The following MAPKAP1 variants were observed in gnomAD, a reference collection of about 807,000 sequenced individuals.
MAPKAP1 encodes the protein MAPK associated protein 1, also known as target of rapamycin complex 2 subunit MAPKAP1.
Under a neutral mutation model 65.7 loss-of-function variants are expected in MAPKAP1, and 20 were observed. The ratio of observed to expected loss-of-function variants is 0.30; its 90% CI spans 0.21 to 0.44. The LOEUF (loss-of-function observed/expected upper bound fraction) is 0.44. MAPKAP1 is among the 20% of genes least tolerant of loss of function. MAPKAP1 has a pLI of 1.00. For synonymous variants in MAPKAP1, 222 were observed against 244.3 expected (o/e 0.91, Z 0.85); for missense variants, 423 against 648.0 (o/e 0.65, Z 3.77).
At chr9:125,586,191 C>CT (rs1831778816) in intron 4 of MAPKAP1, among the ~76,000 whole-genome samples, 1 of 152,164 alleles carries the variant, frequency 6.6e-6, no homozygotes, top group African/African-American at 2.4e-5. Flanking sequence ...TTCTCAGAGA[C>CT]TGGGGGCTAG....
At chr9:125,649,358 A>T (rs1199832121) in intron 4 of MAPKAP1, among the ~76,000 whole-genome samples, 2 of 152,210 alleles carry the variant, frequency 1.3e-5, no homozygotes, top group Non-Finnish European at 2.9e-5. Context: ...AACCTCCAAC[A>T]ATTACAATCA....
At position 125,574,530 on chromosome 9, in the gene MAPKAP1, C is replaced by T. The variant is rs149371234; in HGVS notation, c.671+11025G>A. On this transcript the variant is annotated intron_variant, in intron 5 of 11. Coordinates refer to ENST00000265960, the MANE Select transcript of MAPKAP1 (RefSeq NM_001006617.3). ...ATGGGAGAAGACACAGGTGGGCATG[C>T]AGATGGTAAAAAAGGGGACTATCAA... Among the ~76,000 whole-genome samples the T allele has an allele frequency of 1.2e-4, 18 of 152,224 alleles. No individual in the cohort carries two copies. The East Asian group carries it at 3.5e-3, about 29-fold the overall frequency.
chr9:125,564,950 G>T (rs992658904), intron 5 of MAPKAP1, among the ~76,000 whole-genome samples: 6 of 152,138 alleles, frequency 3.9e-5, no homozygotes, highest in African/African-American at 1.4e-4. Context: ...TAATTTTAGA[G>T]TTGGTTTGGC....
At chr9:125,484,340 T>G in intron 9 of MAPKAP1, 103 bp downstream of exon 9, 1 of 1,198,652 alleles carries the variant, frequency 8.3e-7, no homozygotes, top group Non-Finnish European at 1.1e-6. Flanking sequence ...ACAAATTACT[T>G]TTAGTCATTC....
rs576324241 is a variant in MAPKAP1 at position 125,447,494 on chromosome 9, G to A, written c.1346-2896C>T. 4.4e-6 allele frequency: 2 copies of A among 456,422 alleles called. No individual in the cohort carries two copies. The highest frequency in any genetic ancestry group is 4.0e-5 in the African/African-American group (2 of 50,050). 28.3% of individuals were successfully genotyped at this position (456,422 alleles called of 1,614,324 possible). The stretch of plus-strand genomic sequence containing the variant: ...AGGAGTGATGAGCGGAACCCTGGGG[G>A]GCAAGGGCAGGTTAAGATCAGCAGC... On this transcript the variant is annotated intron_variant, in intron 10 of 11. Coordinates refer to ENST00000265960, the MANE Select transcript of MAPKAP1 (RefSeq NM_001006617.3). This position sits in a 1 kb window ranked among gnomAD's most constrained non-coding sequence, Gnocchi z 4.5.
chr9:125,654,341 G>A lies in MAPKAP1; in HGVS notation c.498+3310C>T, dbSNP rs183235634. 7.9e-5 allele frequency among the ~76,000 whole-genome samples: 12 copies of A among 152,224 alleles called. No individual in the cohort carries two copies. The East Asian group carries it at 2.3e-3, about 29-fold the overall frequency. On this transcript the variant is annotated intron_variant, in intron 4 of 11. Coordinates refer to ENST00000265960, the MANE Select transcript of MAPKAP1 (RefSeq NM_001006617.3). ...GTTCTCAACAATGCTTAAGAATTCA[G>A]GCAGATGGCTGAGGCTGGTTTTGCG... is the stretch of plus-strand genomic sequence containing the variant.
At chr9:125,579,044 T>G (rs556151611) in intron 5 of MAPKAP1, among the ~76,000 whole-genome samples, 2 of 152,312 alleles carry the variant, frequency 1.3e-5, no homozygotes, top group African/African-American at 4.8e-5. Context: ...AATAACAAAG[T>G]CTAAATTTTA....
At chr9:125,539,758 T>G (rs955487753) in intron 7 of MAPKAP1, among the ~76,000 whole-genome samples, 6 of 152,246 alleles carry the variant, frequency 3.9e-5, no homozygotes, top group Non-Finnish European at 8.8e-5. Context: ...AGGCTTCATC[T>G]AATTCTTCTA....
chr9:125,592,570 T>C (rs894294753), intron 4 of MAPKAP1, among the ~76,000 whole-genome samples: 1 of 152,122 alleles, frequency 6.6e-6, no homozygotes, highest in Non-Finnish European at 1.5e-5. Context: ...ATTTCAAAAA[T>C]GTAGCCTGTG....
chr9:125,464,103 C>T (rs184263380), intron 10 of MAPKAP1, among the ~76,000 whole-genome samples: 80 of 150,026 alleles, frequency 5.3e-4, no homozygotes, highest in Admixed American at 3.1e-3. Context: ...GTGGCGCATG[C>T]CTGTAGTCCC....
chr9:125,625,258 A>AC (rs371821798), intron 4 of MAPKAP1, among the ~76,000 whole-genome samples: 1 of 110,744 alleles, frequency 9.0e-6, no homozygotes, highest in South Asian at 3.2e-4. Context: ...AAATAAATAA[A>AC]AAAAAAAAAA....
rs780283461 is a variant in MAPKAP1 at position 125,672,521 on chromosome 9, A to G, written c.54T>C (p.His18=). 3.1e-6 allele frequency: 5 copies of G among 1,614,078 alleles called. No homozygotes were observed. The South Asian group carries it at 5.5e-5, about 18-fold the overall frequency. ...ACATTCCCGTGTCATCACTGGTCAC[A>G]TGTGACTGTCGAATATGAGCTAGAA... is the stretch of plus-strand genomic sequence containing the variant. ...TIILAHIRQS[H]VTSDDTGMCE... is the part of the protein sequence containing the mutation. Residue 18 remains histidine (H), a synonymous_variant, in exon 2 of 12, where the codon CAT becomes CAC. Transcript: ENST00000265960.
At chr9:125,493,891 G>C (rs1297132372) in intron 8 of MAPKAP1, among the ~76,000 whole-genome samples, 3 of 152,204 alleles carry the variant, frequency 2.0e-5, no homozygotes, top group Non-Finnish European at 4.4e-5. Context: ...GCTGGAGCTA[G>C]GAACTGAACC....
In MAPKAP1 at chr9:125,437,594, C is replaced by T. The variant is rs1129; in HGVS notation, c.*1293G>A. Reference sequence around the variant, plus strand: ...ATGGAAGACATTAGAAAAGGACGCTCCTGTTGGCTGAACAAAGATCAGAAT... The same window carrying T: ...ATGGAAGACATTAGAAAAGGACGCTTCTGTTGGCTGAACAAAGATCAGAAT... On this transcript the variant is annotated 3_prime_UTR_variant, in exon 12 of 12. Coordinates refer to ENST00000265960, the MANE Select transcript of MAPKAP1 (RefSeq NM_001006617.3). The T allele has an allele frequency of 0.27, 41,122 of 152,414 alleles. 6,697 individuals carry two copies. The highest frequency in any genetic ancestry group is 0.37 in the Non-Finnish European group (24,827 of 67,946). The allele number at this position is 152,414 out of a possible 1,614,324, so 9.4% of individuals were successfully genotyped here. A position where few individuals can be genotyped will look rare whatever the true frequency, so the allele number is the denominator to read the frequency against.
chr9:125,662,021 GA>G (rs773043329), intron 3 of MAPKAP1, among the ~76,000 whole-genome samples: 4 of 151,964 alleles, frequency 2.6e-5, no homozygotes, highest in African/African-American at 9.7e-5. Flanking sequence ...AAACAATAGA[GA>G]AAAAAGAAAA....
intron 4 of MAPKAP1, among the ~76,000 whole-genome samples, chr9:125,606,615 AG>A (rs1832446457): frequency 2.6e-5 from 4 of 152,234 alleles, no homozygotes; most frequent in Admixed American, 6.5e-5. Context: ...AAACTGCACC[AG>A]ACAATGAAAA....
At chr9:125,521,766 C>T in intron 7 of MAPKAP1, 2 of 1,612,470 alleles carry the variant, frequency 1.2e-6, no homozygotes, top group Admixed American at 3.3e-5. Context: ...TCACAAGCAC[C>T]TAAGGACAAA....
intron 1 of MAPKAP1, among the ~76,000 whole-genome samples, chr9:125,693,846 T>TATATACAC (rs10646202): frequency 9.6e-5 from 13 of 135,446 alleles, no homozygotes; most frequent in Non-Finnish European, 2.1e-4. Flanking sequence ...TATACACACA[T>TATATACAC]ACACACACAC....
rs1391051164 is a variant in MAPKAP1 at position 125,647,864 on chromosome 9, T to A, written c.498+9787A>T. On this transcript the variant is annotated intron_variant, in intron 4 of 11. Transcript: ENST00000265960. ...TGCACACCAGAAAAATCAATGGAAA[T>A]AAACAAACATTTGTGAGGCACACAC... Among the ~76,000 whole-genome samples, 3 of 151,548 alleles carry A rather than the reference T, an allele frequency of 2.0e-5. No individual in the cohort carries two copies. The East Asian group carries it at 5.8e-4, about 29-fold the overall frequency.
Sources: allele counts gnomAD v4.1 joint callset (sites outside exome capture counted in the v4.1 genomes callset), GRCh38; gene constraint gnomAD v4.1.1; non-coding constraint Gnocchi (gnomAD v3.1); transcripts MANE v1.5; gene names NCBI Gene and HGNC (gene_info 2026-07-23, HGNC 2026-07-21).